RAB11FIP3: variants seen among roughly 807,000 people sequenced by gnomAD.
RAB11FIP3 encodes RAB11 family interacting protein 3.
A neutral mutation model predicts 77.8 loss-of-function variants in RAB11FIP3; 17 were observed. The ratio of observed to expected loss-of-function variants is 0.22; its 90% CI spans 0.15 to 0.33. The LOEUF is 0.33. Among genes scored for constraint, RAB11FIP3 ranks in the 10% least tolerant of loss-of-function variants. The probability of loss-of-function intolerance (pLI) is 1.00; values close to 1 mark genes in which losing one functional copy is unlikely to be tolerated. For synonymous variants in RAB11FIP3, 437 were observed against 448.2 expected, an observed-to-expected ratio of 0.98 and a Z score of 0.31; for missense variants, 1,005 against 1,011.2, an observed-to-expected ratio of 0.99 and a Z score of 0.08.
At chr16:495,089 CAG>C (rs1300258266) in intron 5 of RAB11FIP3, among the ~76,000 whole-genome samples, 2 of 152,202 alleles carry the variant, frequency 1.3e-5, no homozygotes, top group African/African-American at 4.8e-5. Context: ...GCCTGGGCCA[CAG>C]AGTCATACCT....
chr16:475,588 A>G (rs78972995), intron 3 of RAB11FIP3, among the ~76,000 whole-genome samples: 1 of 152,060 alleles, frequency 6.6e-6, no homozygotes, highest in Non-Finnish European at 1.5e-5. Flanking sequence ...GCAGAAACCA[A>G]CCCGCAGGGC....
intron 2 of RAB11FIP3, among the ~76,000 whole-genome samples, chr16:468,656 G>A (rs952017682): frequency 1.3e-5 from 2 of 152,118 alleles, no homozygotes; most frequent in Admixed American, 6.5e-5. Context: ...AGGCTTTCCT[G>A]TCACAGCCAC....
chr16:520,897 G>A lies in RAB11FIP3; in HGVS notation c.*58G>A, dbSNP rs546937356. ...GACTCCAACACCCTGGAGTGGTTCCGTCAGACCATGAGGAGCCAAGACCAG... is the reference window on the plus strand; with the variant it reads ...GACTCCAACACCCTGGAGTGGTTCCATCAGACCATGAGGAGCCAAGACCAG... On this transcript the variant is annotated 3_prime_UTR_variant, in exon 14 of 14. Coordinates refer to ENST00000262305, the MANE Select transcript of RAB11FIP3 (RefSeq NM_014700.4). 98 of 1,416,704 alleles carry A rather than the reference G, an allele frequency of 6.9e-5. No individual in the cohort carries two copies. The Admixed American group carries it at 1.4e-3, about 20-fold the overall frequency. The allele number at this position is 1,416,704 out of a possible 1,614,324, so 87.8% of individuals were successfully genotyped here. A position where few individuals can be genotyped will look rare whatever the true frequency, so the allele number is the denominator to read the frequency against.
intron 4 of RAB11FIP3, among the ~76,000 whole-genome samples, chr16:485,318 G>C (rs993429433): frequency 5.3e-5 from 8 of 152,176 alleles, no homozygotes; most frequent in Non-Finnish European, 1.2e-4. Flanking sequence ...GATTATAGGA[G>C]TCCTTTCGAT....
intron 1 of RAB11FIP3, chr16:451,607 G>C (rs920061626): frequency 1.3e-5 from 2 of 152,164 alleles, no homozygotes; most frequent in Non-Finnish European, 2.9e-5. Context: ...GGCTGAGGCA[G>C]GTGGATTACC....
chr16:482,552 A>G lies in RAB11FIP3; in HGVS notation c.931A>G (p.Met311Val). Residue 311 changes from methionine (M) to valine (V), a missense_variant, in exon 4 of 14, where the codon ATG becomes GTG. Coordinates refer to ENST00000262305, the MANE Select transcript of RAB11FIP3 (RefSeq NM_014700.4). ...CAACGAGGTGACGGACAGCGCGTAC[A>G]TGGGCTCCGAGAGCACCTACAGTGA... is the stretch of plus-strand genomic sequence containing the variant. ...EANEVTDSAYMGSESTYSECE... is the reference protein window; with the variant it reads ...EANEVTDSAYVGSESTYSECE... 1 of 1,613,574 alleles carries G rather than the reference A, an allele frequency of 6.2e-7. No homozygotes were observed. Among genetic ancestry groups the G allele is most frequent in the Non-Finnish European group, 8.5e-7 (1 of 1,180,030 alleles).
intron 2 of RAB11FIP3, among the ~76,000 whole-genome samples, chr16:465,264 C>T (rs1391884461): frequency 1.3e-5 from 2 of 152,036 alleles, no homozygotes; most frequent in Non-Finnish European, 2.9e-5. Flanking sequence ...AACTGGTTGT[C>T]ATCGGAGAGG....
intron 1 of RAB11FIP3, among the ~76,000 whole-genome samples, chr16:430,368 C>T (rs1046122422): frequency 6.6e-6 from 1 of 151,932 alleles, no homozygotes; most frequent in Non-Finnish European, 1.5e-5. Flanking sequence ...TAAGCAGTTG[C>T]GTTTTAATAG....
chr16:467,547 CCTCA>C, intron 2 of RAB11FIP3, among the ~76,000 whole-genome samples: 1 of 129,050 alleles, frequency 7.7e-6, no homozygotes, highest in African/African-American at 3.1e-5. Flanking sequence ...GGTGCAGGGG[CCTCA>C]GGGAGGAGGT....
At position 482,517 on chromosome 16, in the gene RAB11FIP3, T is replaced by C; in HGVS notation, c.904-8T>C. ...GTGCCCGCTGACTGCTGGCGCACTC[T>C]CTCCTAGGCCAACGAGGTGACGGAC... On this transcript the variant is annotated splice_region_variant and splice_polypyrimidine_tract_variant and intron_variant, in intron 3 of 13. Coordinates refer to ENST00000262305, the MANE Select transcript of RAB11FIP3 (RefSeq NM_014700.4). 6.2e-7 allele frequency: 1 copy of C among 1,613,028 alleles called. No homozygotes were observed. The highest frequency in any genetic ancestry group is 8.5e-7 in the Non-Finnish European group (1 of 1,179,716).
chr16:483,628 G>A (rs1476757202), intron 4 of RAB11FIP3, among the ~76,000 whole-genome samples: 1 of 152,094 alleles, frequency 6.6e-6, no homozygotes, highest in East Asian at 1.9e-4. Flanking sequence ...TGTGTCTTGT[G>A]GGGAAAGTCT....
chr16:484,259 C>G (rs1341289952), intron 4 of RAB11FIP3, among the ~76,000 whole-genome samples: 1 of 152,228 alleles, frequency 6.6e-6, no homozygotes, highest in African/African-American at 2.4e-5. Flanking sequence ...GCAGCCAGCT[C>G]TCCACCGGCC....
At chr16:428,058 G>T (rs1448264150) in intron 1 of RAB11FIP3, among the ~76,000 whole-genome samples, 1 of 150,722 alleles carries the variant, frequency 6.6e-6, no homozygotes, top group Non-Finnish European at 1.5e-5. Flanking sequence ...CGGAGATCGC[G>T]CCACTGCACT....
intron 1 of RAB11FIP3, among the ~76,000 whole-genome samples, chr16:450,733 G>A (rs987525110): frequency 7.2e-5 from 11 of 152,190 alleles, no homozygotes; most frequent in African/African-American, 2.7e-4. Context: ...TGGGAATGGA[G>A]TTCTATGAGC....
chr16:487,785 A>C (rs1378768763), intron 4 of RAB11FIP3, among the ~76,000 whole-genome samples: 1 of 152,124 alleles, frequency 6.6e-6, no homozygotes, highest in African/African-American at 2.4e-5. Flanking sequence ...TTGGCTGTGG[A>C]GGAGTCACTC....
intron 1 of RAB11FIP3, among the ~76,000 whole-genome samples, chr16:434,710 C>T (rs1468108670): frequency 6.6e-6 from 1 of 152,070 alleles, no homozygotes; most frequent in Non-Finnish European, 1.5e-5. Context: ...GAGCCACTGG[C>T]CTGGCAGATG....
intron 6 of RAB11FIP3, among the ~76,000 whole-genome samples, chr16:499,375 C>T (rs1211374934): frequency 6.6e-6 from 1 of 152,240 alleles, no homozygotes; most frequent in Non-Finnish European, 1.5e-5. Context: ...TCAAGGCCAG[C>T]TAAGGCATCT....
chr16:482,245 C>T, intron 3 of RAB11FIP3: 1 of 588,616 alleles, frequency 1.7e-6, no homozygotes, highest in Non-Finnish European at 3.1e-6. Flanking sequence ...TTGGTAGAGA[C>T]AAATTTCACT....
intron 2 of RAB11FIP3, among the ~76,000 whole-genome samples, chr16:462,315 G>A (rs1208466923): frequency 1.3e-5 from 2 of 152,128 alleles, no homozygotes; most frequent in East Asian, 1.9e-4. Context: ...TCCACCTTCC[G>A]GGTTCAAGCG....
Sources: allele counts gnomAD v4.1 joint callset (sites outside exome capture counted in the v4.1 genomes callset), GRCh38; gene constraint gnomAD v4.1.1; transcripts MANE v1.5; gene names NCBI Gene and HGNC (gene_info 2026-07-23, HGNC 2026-07-21).